The following EPHA6 variants were observed in gnomAD, a reference collection of about 807,000 sequenced individuals.
EPHA6 encodes ephrin type-A receptor 6.
EPHA6 carries 50 observed loss-of-function variants against 112.0 expected under a neutral mutation model. The observed-to-expected ratio is 0.45, with a 90% confidence interval of 0.36 to 0.56. The LOEUF is 0.56. Among genes scored for constraint, EPHA6 ranks in the 20% least tolerant of loss-of-function variants. The probability of loss-of-function intolerance (pLI) is 0.00; values close to 1 mark genes in which losing one functional copy is unlikely to be tolerated. For synonymous variants in EPHA6, 529 were observed against 490.7 expected, an observed-to-expected ratio of 1.08 and a Z score of -1.03; for missense variants, 1,280 against 1,417.4, an observed-to-expected ratio of 0.90 and a Z score of 1.56.
At chr3:97,429,808 T>C (rs1160121984) in intron 6 of EPHA6, among the ~76,000 whole-genome samples, 2 of 152,232 alleles carry the variant, frequency 1.3e-5, no homozygotes, top group Non-Finnish European at 2.9e-5. Flanking sequence ...TTAGTAGATA[T>C]TTGTAATTTT....
At chr3:97,706,608 C>T (rs1029763084) in intron 14 of EPHA6, among the ~76,000 whole-genome samples, 6 of 152,130 alleles carry the variant, frequency 3.9e-5, no homozygotes, top group Admixed American at 1.3e-4. Flanking sequence ...GACGCTGTGT[C>T]GCCCTTCTGT....
chr3:97,088,174 C>G (rs1030621387), intron 3 of EPHA6, among the ~76,000 whole-genome samples: 5 of 151,998 alleles, frequency 3.3e-5, no homozygotes, highest in Admixed American at 3.3e-4. Context: ...AGCAAGACTC[C>G]ATCTAAAAAA....
At chr3:97,709,506 G>T (rs1426992303) in intron 14 of EPHA6, among the ~76,000 whole-genome samples, 1 of 152,218 alleles carries the variant, frequency 6.6e-6, no homozygotes, top group African/African-American at 2.4e-5. Context: ...GAAGGGACTT[G>T]CTGTCCCAGA....
chr3:97,285,127 A>G (rs1180865217), intron 5 of EPHA6, among the ~76,000 whole-genome samples: 1 of 152,122 alleles, frequency 6.6e-6, no homozygotes, highest in Admixed American at 6.5e-5. Flanking sequence ...ACGACTCTTC[A>G]TCTTTTAAAG....
At chr3:97,437,096 AT>A (rs1474473142) in intron 6 of EPHA6, among the ~76,000 whole-genome samples, 2 of 144,590 alleles carry the variant, frequency 1.4e-5, no homozygotes, top group South Asian at 2.2e-4. Context: ...GTGTTGGTGT[AT>A]TTTATGTGTG....
At chr3:97,629,305 A>G (rs1229497233) in intron 13 of EPHA6, among the ~76,000 whole-genome samples, 2 of 151,974 alleles carry the variant, frequency 1.3e-5, no homozygotes, top group African/African-American at 4.8e-5. Context: ...GTTAAACTTC[A>G]TGCAGTAGAA....
At chr3:97,364,377 T>C (rs900058441) in intron 5 of EPHA6, among the ~76,000 whole-genome samples, 13 of 151,558 alleles carry the variant, frequency 8.6e-5, no homozygotes, top group African/African-American at 2.9e-4. Context: ...ACATAAACAG[T>C]AATTTTCTCC....
intron 2 of EPHA6, among the ~76,000 whole-genome samples, chr3:96,968,408 A>G (rs1171205589): frequency 6.6e-6 from 1 of 151,660 alleles, no homozygotes; most frequent in Non-Finnish European, 1.5e-5. Context: ...ACACACACAC[A>G]CACACACATT....
intron 5 of EPHA6, among the ~76,000 whole-genome samples, chr3:97,341,185 C>T (rs147421744): frequency 0.02 from 2,995 of 152,162 alleles, 44 homozygotes; most frequent in Non-Finnish European, 0.031. Flanking sequence ...TGTGTGGAGG[C>T]AACTGAAAGC....
In EPHA6 at chr3:97,508,475, C is replaced by T. The variant is rs145505594; in HGVS notation, c.2201-23883C>T. ...GTTTCCATGTAGTTGTGCAGTTTTG[C>T]GTGAGTTTCTTAATCCTGAGTTCTA... On this transcript the variant is annotated intron_variant, in intron 10 of 17. Coordinates refer to ENST00000389672, the MANE Select transcript of EPHA6 (RefSeq NM_001080448.3). 6.7e-3 allele frequency among the ~76,000 whole-genome samples: 1,019 copies of T among 152,136 alleles called. 12 individuals are homozygous for T. Among genetic ancestry groups the T allele is most frequent in the African/African-American group, 0.022 (912 of 41,518 alleles).
At chr3:96,922,369 G>C (rs1217931544) in intron 2 of EPHA6, among the ~76,000 whole-genome samples, 1 of 152,056 alleles carries the variant, frequency 6.6e-6, no homozygotes, top group Admixed American at 6.5e-5. Flanking sequence ...TTGAGGGAAA[G>C]AACTGTTCAG....
intron 16 of EPHA6, among the ~76,000 whole-genome samples, chr3:97,739,498 A>G (rs529377657): frequency 6.6e-6 from 1 of 152,252 alleles, no homozygotes; most frequent in South Asian, 2.1e-4. Flanking sequence ...ATAATTTTAT[A>G]CTAACATATT....
intron 14 of EPHA6, among the ~76,000 whole-genome samples, chr3:97,641,323 A>G (rs1201403738): frequency 6.6e-6 from 1 of 152,202 alleles, no homozygotes; most frequent in Non-Finnish European, 1.5e-5. Flanking sequence ...TCCTCTTAAA[A>G]AGAATGAAAT....
At chr3:96,864,438 A>G (rs2036189189) in intron 1 of EPHA6, among the ~76,000 whole-genome samples, 1 of 152,226 alleles carries the variant, frequency 6.6e-6, no homozygotes, top group South Asian at 2.1e-4. Context: ...TAAGGAAACC[A>G]GGCTCAAAAG....
chr3:97,109,601 A>G (rs1018868551), intron 3 of EPHA6, among the ~76,000 whole-genome samples: 1 of 152,208 alleles, frequency 6.6e-6, no homozygotes, highest in African/African-American at 2.4e-5. Context: ...TATAAAGTAC[A>G]GAGTTGTTTT....
At chr3:97,207,611 G>T (rs1202926747) in intron 3 of EPHA6, among the ~76,000 whole-genome samples, 1 of 152,026 alleles carries the variant, frequency 6.6e-6, no homozygotes, top group African/African-American at 2.4e-5. Flanking sequence ...GGTTTGTTTT[G>T]CATAAAACAA....
intron 2 of EPHA6, among the ~76,000 whole-genome samples, chr3:96,880,012 T>C (rs549873734): frequency 6.6e-6 from 1 of 152,042 alleles, no homozygotes; most frequent in Non-Finnish European, 1.5e-5. Flanking sequence ...ATGTACGCTA[T>C]TTGGGTGACC....
At chr3:97,120,258 C>T (rs2048004698) in intron 3 of EPHA6, among the ~76,000 whole-genome samples, 1 of 151,904 alleles carries the variant, frequency 6.6e-6, no homozygotes, top group African/African-American at 2.4e-5. Context: ...TCAAATTTAT[C>T]ATCTGTATAT....
intron 5 of EPHA6, among the ~76,000 whole-genome samples, chr3:97,316,510 T>C (rs1447261723): frequency 6.6e-6 from 1 of 151,928 alleles, no homozygotes; most frequent in Non-Finnish European, 1.5e-5. Flanking sequence ...GTGTTATTTA[T>C]TCTGATGATC....
Sources: allele counts gnomAD v4.1 joint callset (sites outside exome capture counted in the v4.1 genomes callset), GRCh38; gene constraint gnomAD v4.1.1; transcripts MANE v1.5; gene names NCBI Gene and HGNC (gene_info 2026-07-23, HGNC 2026-07-21).